The following EPG5 variants were observed in gnomAD, a reference collection of about 807,000 sequenced individuals.
EPG5 encodes ectopic P-granules 5 autophagy tethering factor.
In EPG5, 159 loss-of-function variants were observed where a neutral mutation model predicts 302.7. The observed-to-expected ratio is 0.53, with a 90% CI of 0.46 to 0.60. The LOEUF (loss-of-function observed/expected upper bound fraction) is 0.60. EPG5 is among the 20% of genes least tolerant of loss of function. The pLI is 0.00. For missense variants in EPG5, 2,896 were observed against 3,092.4 expected (o/e 0.94, Z 1.51); for synonymous variants, 1,158 against 1,136.8 (o/e 1.02, Z -0.37).
intron 34 of EPG5, among the ~76,000 whole-genome samples, chr18:45,877,426 AT>A (rs909717195): frequency 6.6e-6 from 1 of 151,636 alleles, no homozygotes; most frequent in Non-Finnish European, 1.5e-5. Context: ...CTTAAAAAAA[AT>A]TTTTTTTTAT....
At chr18:45,845,057 T>C (rs1394846879), downstream of EPG5, among the ~76,000 whole-genome samples, 1 of 152,208 alleles carries the variant, frequency 6.6e-6, no homozygotes, top group Non-Finnish European at 1.5e-5. Context: ...CTTTTGAAGT[T>C]TGTTGTTTCT....
chr18:45,958,815 A>G (rs2051086061), intron 1 of EPG5, among the ~76,000 whole-genome samples: 1 of 152,240 alleles, frequency 6.6e-6, no homozygotes, highest in African/African-American at 2.4e-5. Flanking sequence ...CTTCATCAAA[A>G]TTAAAAACTT....
Position 45,855,553 on chromosome 18 carries a change from C to A in EPG5, c.7557+20G>T. The stretch of plus-strand genomic sequence containing the variant: ...GAAGATGTGCAGGCAAACTTCTAAC[C>A]CTTCATTGTATATACTGACCTGCTG... On this transcript the variant is annotated intron_variant, in intron 43 of 43. Transcript: ENST00000282041. The A allele has an allele frequency of 6.3e-7, 1 of 1,590,736 alleles. No homozygotes were observed. Among genetic ancestry groups the A allele is most frequent in the Non-Finnish European group, 8.6e-7 (1 of 1,159,490 alleles).
intron 39 of EPG5, among the ~76,000 whole-genome samples, chr18:45,862,368 C>T (rs1173970370): frequency 6.6e-6 from 1 of 152,018 alleles, no homozygotes; most frequent in African/African-American, 2.4e-5. Flanking sequence ...TTAATTTTCA[C>T]CTTTTAAAAA....
Position 45,943,119 on chromosome 18 carries a change from G to A in EPG5, c.1943+42C>T, listed in dbSNP as rs754256497. On this transcript the variant is annotated intron_variant, in intron 9 of 43. Coordinates refer to ENST00000282041, the MANE Select transcript of EPG5 (RefSeq NM_020964.3). ...ATTATGCAGTATCTGTGTCTGACCA[G>A]GGTGAAAGGAACAGAGAAGGGTAGA... 2.5e-6 allele frequency: 4 copies of A among 1,595,040 alleles called. No homozygotes were observed. In the South Asian group the frequency reaches 4.5e-5, roughly 18 times the overall value.
At chr18:45,907,756 A>C (rs1463680002) in intron 24 of EPG5, 3 of 449,204 alleles carry the variant, frequency 6.7e-6, no homozygotes, top group African/African-American at 2.0e-5. Context: ...TTCAGGTAGA[A>C]GGCACGGTGG....
intron 6 of EPG5, 75 bp downstream of exon 6, chr18:45,948,428 G>A (rs1279774838): frequency 5.2e-6 from 6 of 1,144,624 alleles, no homozygotes; most frequent in Non-Finnish European, 7.9e-6. Context: ...TTTGGATCTA[G>A]GCAGTTTCAG....
the EPG5 span, among the ~76,000 whole-genome samples, chr18:45,800,985 T>C: frequency 1.3e-5 from 2 of 152,120 alleles, no homozygotes; most frequent in African/African-American, 2.4e-5. Context: ...CCTCCTACTT[T>C]CTTAAATTTT....
At chr18:45,818,433 T>C in the EPG5 span, among the ~76,000 whole-genome samples, 149 of 152,318 alleles carry the variant, frequency 9.8e-4, no homozygotes, top group Non-Finnish European at 1.8e-3. Context: ...GACTGGTTGA[T>C]ACATTCACCT....
chr18:45,903,933 C>G, intron 25 of EPG5, 40 bp downstream of exon 25: 2 of 1,572,542 alleles, frequency 1.3e-6, no homozygotes, highest in Non-Finnish European at 8.6e-7. Flanking sequence ...TTCAATCATT[C>G]ATTCACTCAT....
chr18:45,853,717 G>A (rs1450525193), intron 43 of EPG5, among the ~76,000 whole-genome samples: 1 of 152,252 alleles, frequency 6.6e-6, no homozygotes, highest in African/African-American at 2.4e-5. Flanking sequence ...CAGGAGGGCT[G>A]TAGATGGAAG....
chr18:45,953,836 G>A, intron 2 of EPG5: 1 of 984,980 alleles, frequency 1.0e-6, no homozygotes, highest in Non-Finnish European at 1.2e-6. Flanking sequence ...AAGACCATTG[G>A]ATGCAACCCC....
the EPG5 span, among the ~76,000 whole-genome samples, chr18:45,801,394 C>A: frequency 6.6e-6 from 1 of 152,154 alleles, no homozygotes; most frequent in African/African-American, 2.4e-5. Context: ...GTCTCGAACT[C>A]CTGAGCTCAA....
At chr18:45,870,831 T>C (rs1420572792) in intron 35 of EPG5, 89 bp from the exon 36 acceptor site, 4 of 1,165,126 alleles carry the variant, frequency 3.4e-6, no homozygotes, top group South Asian at 1.8e-5. Flanking sequence ...AAGTCTAAAA[T>C]CTAAGGTTCT....
downstream of EPG5, chr18:45,843,121 A>G (rs190626513): frequency 1.3e-5 from 2 of 152,424 alleles, no homozygotes; most frequent in African/African-American, 4.8e-5. Context: ...TCAGGAGCTG[A>G]AGCCGGGAGA....
the EPG5 span, chr18:45,842,146 A>G: frequency 6.2e-7 from 1 of 1,614,176 alleles, no homozygotes; most frequent in Non-Finnish European, 8.5e-7. Flanking sequence ...TTTGAGCCAG[A>G]TGAACCCCCG....
At position 45,858,767 on chromosome 18, in the gene EPG5, T is replaced by C; in HGVS notation, c.7025A>G (p.Asn2342Ser). Residue 2342 changes from asparagine (N) to serine (S), a missense_variant, in exon 41 of 44, where the codon AAT becomes AGT. Asn to Ser is a conservative substitution (Grantham distance 46, BLOSUM62 1). Around this residue, in one of 5 missense-constraint regions of EPG5, gnomAD observed 620 missense variants for 704.2 expected, o/e 0.88. Transcript: ENST00000282041. ...TACCAGAATGGGTCCCCATCCTGAA[T>C]TCTGATTGAGAGGGCCTAAGAACAT... ...AYFKESPLNQ[N>S]SGWGPILVSL... 1.2e-6 allele frequency: 2 copies of C among 1,613,758 alleles called. No homozygotes were observed. Among genetic ancestry groups the C allele is most frequent in the Non-Finnish European group, 1.7e-6 (2 of 1,179,670 alleles).
intron 23 of EPG5, among the ~76,000 whole-genome samples, chr18:45,910,282 G>A (rs968639863): frequency 6.6e-6 from 1 of 152,166 alleles, no homozygotes; most frequent in Non-Finnish European, 1.5e-5. Flanking sequence ...AAGTAGAAGA[G>A]GATTTATCGC....
At chr18:45,838,806 C>T in the EPG5 span, 80 of 1,558,712 alleles carry the variant, frequency 5.1e-5, 1 homozygote, top group South Asian at 3.1e-4. Context: ...AGCCGCCGCC[C>T]GCCCTCGCCT....
Sources: gnomAD v4.1 joint callset for allele counts (sites outside exome capture counted in the v4.1 genomes callset) on GRCh38, gnomAD v4.1.1 for gene constraint, gnomAD v4.1.1 regional missense constraint, MANE v1.5 for transcripts, NCBI Gene and HGNC (gene_info 2026-07-23, HGNC 2026-07-21) for gene names.